The following TMEFF2 variants were observed in gnomAD, a reference collection of about 807,000 sequenced individuals.
The protein encoded by TMEFF2 is transmembrane protein with EGF like and two follistatin like domains 2, also known as tomoregulin-2.
Under a neutral mutation model 53.8 loss-of-function variants are expected in TMEFF2, and 28 were observed. The observed-to-expected ratio is 0.52, with a 90% CI of 0.39 to 0.71. TMEFF2 has a LOEUF of 0.71. Among genes scored for constraint, TMEFF2 ranks in the 30% least tolerant of loss-of-function variants. The pLI is 0.00. For synonymous variants in TMEFF2, 162 were observed against 166.3 expected (o/e 0.97, Z 0.20); for missense variants, 353 against 455.2 (o/e 0.78, Z 2.04).
rs534137657 is a variant in TMEFF2, at chr2:192,129,026, G to C, written c.439+50642C>G. Among the ~76,000 whole-genome samples the C allele has an allele frequency of 2.0e-5, 3 of 152,266 alleles. No individual in the cohort carries two copies. In the East Asian group the frequency reaches 5.8e-4, roughly 29 times the overall value. On this transcript the variant is annotated intron_variant, in intron 4 of 9. Coordinates refer to ENST00000272771, the MANE Select transcript of TMEFF2 (RefSeq NM_016192.4). ...CACATTTCCTCTGGGACATGCCTGG[G>C]TGCCCCATAGGAGAGTGTTGAGCAC... is the stretch of plus-strand genomic sequence containing the variant.
At chr2:192,179,603 A>C in intron 4 of TMEFF2, 65 bp downstream of exon 4, 1 of 1,468,306 alleles carries the variant, frequency 6.8e-7, no homozygotes, top group Non-Finnish European at 9.2e-7. Context: ...TGGAACATAC[A>C]TAAGTAAATA....
chr2:192,061,806 G>A (rs997902858), intron 4 of TMEFF2, among the ~76,000 whole-genome samples: 2 of 151,922 alleles, frequency 1.3e-5, no homozygotes, highest in African/African-American at 4.8e-5. Flanking sequence ...CATGAGATCT[G>A]CTTGTTTAAG....
At chr2:192,100,406 G>A (rs1454248345) in intron 4 of TMEFF2, among the ~76,000 whole-genome samples, 1 of 152,134 alleles carries the variant, frequency 6.6e-6, no homozygotes, top group East Asian at 1.9e-4. Flanking sequence ...CTTCTAGCAT[G>A]CATTTTCAAA....
intron 4 of TMEFF2, among the ~76,000 whole-genome samples, chr2:192,130,186 TATAAA>T (rs1290943914): frequency 6.6e-6 from 1 of 151,636 alleles, no homozygotes; most frequent in African/African-American, 2.4e-5. Flanking sequence ...GGATTGCAAA[TATAAA>T]ATAATTTAAA....
At chr2:192,145,968 TTAAC>T (rs1278306835) in intron 4 of TMEFF2, among the ~76,000 whole-genome samples, 3 of 151,984 alleles carry the variant, frequency 2.0e-5, no homozygotes, top group Admixed American at 2.0e-4. Flanking sequence ...AGTGAACTGA[TTAAC>T]TAAGCATATC....
chr2:192,176,703 A>G (rs1202990376), intron 4 of TMEFF2: 3 of 151,210 alleles, frequency 2.0e-5, no homozygotes, highest in Non-Finnish European at 3.0e-5. Flanking sequence ...TTTATATTGC[A>G]GTAAAAATGT....
intron 7 of TMEFF2, among the ~76,000 whole-genome samples, chr2:191,957,260 T>C (rs189174844): frequency 0.011 from 1,675 of 152,112 alleles, 34 homozygotes; most frequent in African/African-American, 0.038. Context: ...ATATGTTCAT[T>C]TTATGATAAA....
chr2:192,172,724 T>A (rs1358095480), intron 4 of TMEFF2, among the ~76,000 whole-genome samples: 1 of 151,852 alleles, frequency 6.6e-6, no homozygotes, highest in African/African-American at 2.4e-5. Context: ...GAACAGATGA[T>A]TTCAGAATCA....
At chr2:192,044,707 T>C (rs372378381) in intron 5 of TMEFF2, among the ~76,000 whole-genome samples, 6 of 152,126 alleles carry the variant, frequency 3.9e-5, no homozygotes, top group African/African-American at 1.4e-4. Context: ...GGCCCCCTAT[T>C]GGTGAATCAC....
intron 7 of TMEFF2, among the ~76,000 whole-genome samples, chr2:191,989,447 G>GT (rs922999583): frequency 6.6e-6 from 1 of 152,120 alleles, no homozygotes; most frequent in Admixed American, 6.6e-5. Context: ...GCATCAGGCT[G>GT]TTTTAGCTCG....
At chr2:192,063,993 G>A (rs1468041999) in intron 4 of TMEFF2, among the ~76,000 whole-genome samples, 1 of 151,388 alleles carries the variant, frequency 6.6e-6, no homozygotes, top group Non-Finnish European at 1.5e-5. Context: ...AAAAAATCTA[G>A]TCTGGATTTA....
At chr2:191,971,365 A>G (rs950677250) in intron 7 of TMEFF2, among the ~76,000 whole-genome samples, 1 of 152,238 alleles carries the variant, frequency 6.6e-6, no homozygotes, top group Non-Finnish European at 1.5e-5. Context: ...TCAAACTTCT[A>G]TCTTGTTCCT....
intron 4 of TMEFF2, among the ~76,000 whole-genome samples, chr2:192,081,339 TTAAG>T (rs199771785): frequency 0.024 from 3,617 of 152,314 alleles, 67 homozygotes; most frequent in Non-Finnish European, 0.038. Flanking sequence ...TGTTTCATAC[TTAAG>T]TAGTTTGAGG....
chr2:192,112,553 G>A (rs1407401881), intron 4 of TMEFF2, among the ~76,000 whole-genome samples: 1 of 152,138 alleles, frequency 6.6e-6, no homozygotes. Flanking sequence ...TCTCCGATGA[G>A]ACTTTGGACT....
intron 4 of TMEFF2, among the ~76,000 whole-genome samples, chr2:192,113,630 A>G (rs1223730278): frequency 1.3e-5 from 2 of 152,256 alleles, no homozygotes; most frequent in African/African-American, 4.8e-5. Context: ...ATTCTGGTAA[A>G]TATAATTAGC....
At chr2:191,994,434 CTT>C (rs1312971767) in intron 7 of TMEFF2, among the ~76,000 whole-genome samples, 7 of 143,920 alleles carry the variant, frequency 4.9e-5, no homozygotes, top group Admixed American at 7.0e-5. Context: ...AAAATATAGC[CTT>C]TTTTTTTTTG....
intron 9 of TMEFF2, among the ~76,000 whole-genome samples, chr2:191,951,986 A>G (rs1365245922): frequency 6.6e-6 from 1 of 152,200 alleles, no homozygotes; most frequent in East Asian, 1.9e-4. Flanking sequence ...AATCCTTCCC[A>G]GACACAGTGC....
intron 4 of TMEFF2, among the ~76,000 whole-genome samples, chr2:192,101,895 T>G (rs145895904): frequency 7.2e-5 from 11 of 152,312 alleles, no homozygotes; most frequent in African/African-American, 2.4e-4. Context: ...TGACGATACA[T>G]GCTCTGGAAT....
In TMEFF2 at chr2:192,072,349, A is replaced by G. The variant is rs923508052; in HGVS notation, c.440-14574T>C. ...TAATCACCTGTATTTTAAAAGCTAC[A>G]TTCACATGCATACTTTAAAAAACTT... On this transcript the variant is annotated intron_variant, in intron 4 of 9. Coordinates refer to ENST00000272771, the MANE Select transcript of TMEFF2 (RefSeq NM_016192.4). Among the ~76,000 whole-genome samples, 95 of 152,124 alleles carry G rather than the reference A, an allele frequency of 6.2e-4. 1 individual carries two copies. Among genetic ancestry groups the G allele is most frequent in the African/African-American group, 2.3e-3 (95 of 41,544 alleles).
Sources: allele counts gnomAD v4.1 joint callset (sites outside exome capture counted in the v4.1 genomes callset), GRCh38; gene constraint gnomAD v4.1.1; transcripts MANE v1.5; gene names NCBI Gene and HGNC (gene_info 2026-07-23, HGNC 2026-07-21).